Variants in NFIX observed in about 807,000 individuals in gnomAD.
NFIX encodes the protein nuclear factor 1 X-type.
In NFIX, 2 loss-of-function variants were observed where a neutral mutation model predicts 53.3. The ratio of observed to expected loss-of-function variants is 0.04; its 90% confidence interval spans 0.02 to 0.12. The LOEUF is 0.12. NFIX is among the 10% of genes least tolerant of loss of function. The probability of loss-of-function intolerance (pLI) is 1.00; values close to 1 mark genes in which losing one functional copy is unlikely to be tolerated. For synonymous variants in NFIX, 244 were observed against 289.0 expected, an observed-to-expected ratio of 0.84 and a Z score of 1.58; for missense variants, 310 against 674.5, an observed-to-expected ratio of 0.46 and a Z score of 5.99.
chr19:13,029,319 A>G (rs1372254222), intron 2 of NFIX, among the ~76,000 whole-genome samples: 1 of 151,938 alleles, frequency 6.6e-6, no homozygotes, highest in Non-Finnish European at 1.5e-5. Context: ...TACCCATTAA[A>G]AATTCAGCAT....
intron 1 of NFIX, among the ~76,000 whole-genome samples, chr19:13,017,103 G>A (rs1423797270): frequency 2.0e-5 from 3 of 152,106 alleles, no homozygotes; most frequent in African/African-American, 2.4e-5. Context: ...GTGCTGAATC[G>A]GGTCATAGAG....
chr19:13,002,903 C>T lies in NFIX; in HGVS notation c.27+7039C>T, dbSNP rs1165461933. Among the ~76,000 whole-genome samples, 1 of 152,152 alleles carries T rather than the reference C, an allele frequency of 6.6e-6. No homozygotes were observed. Among genetic ancestry groups the T allele is most frequent in the Non-Finnish European group, 1.5e-5 (1 of 68,012 alleles). ...TGAAGCTCAGTGCCAGCCTTCCTGG[C>T]ACAGATCGGGCAAGAGCGGGGATCT... is the stretch of plus-strand genomic sequence containing the variant. On this transcript the variant is annotated intron_variant, in intron 1 of 10. Transcript: ENST00000592199. The surrounding 1 kb of genome is among the most constrained non-coding windows in gnomAD (Gnocchi z 6.1).
intron 2 of NFIX, among the ~76,000 whole-genome samples, chr19:13,026,027 G>T (rs974516645): frequency 1.3e-5 from 2 of 152,196 alleles, no homozygotes; most frequent in South Asian, 4.1e-4. Flanking sequence ...GGGATGGGCA[G>T]GAGTCCGGTG....
intron 8 of NFIX, among the ~76,000 whole-genome samples, chr19:13,087,774 C>CAAAAAAAA (rs1157966190): frequency 1.9e-4 from 5 of 26,390 alleles, no homozygotes; most frequent in Admixed American, 6.0e-4. Context: ...AAAAGAGGAC[C>CAAAAAAAA]AAAAAAAAAA....
chr19:13,038,488 A>C (rs2014368951), intron 2 of NFIX, among the ~76,000 whole-genome samples: 1 of 152,176 alleles, frequency 6.6e-6, no homozygotes, highest in Admixed American at 6.5e-5. Flanking sequence ...AAGCTTCCCA[A>C]ATGAAACAAA....
chr19:13,070,133 T>TGCCTCCCCAGGAGCC (rs1437925466), intron 2 of NFIX: 1 of 152,026 alleles, frequency 6.6e-6, no homozygotes, highest in Non-Finnish European at 1.5e-5. Flanking sequence ...CCCCAGGAGC[T>TGCCTCCCCAGGAGCC]GCCTCCCCAG....
intron 2 of NFIX, among the ~76,000 whole-genome samples, chr19:13,030,989 T>G (rs2013758832): frequency 6.6e-6 from 1 of 152,192 alleles, no homozygotes; most frequent in Non-Finnish European, 1.5e-5. Context: ...TAATACAACT[T>G]GGGGTGCTGG....
At chr19:13,024,963 C>G in intron 1 of NFIX, 58 bp from the exon 2 acceptor site, 1 of 1,549,044 alleles carries the variant, frequency 6.5e-7, no homozygotes, top group Non-Finnish European at 8.7e-7. Flanking sequence ...CCCCTCATCC[C>G]GTCTTCCCCT....
intron 2 of NFIX, among the ~76,000 whole-genome samples, chr19:13,069,099 G>A (rs2145412448): frequency 6.6e-6 from 1 of 152,226 alleles, no homozygotes; most frequent in East Asian, 1.9e-4. Context: ...GCACCAGCAT[G>A]GAGGGAAACT....
rs770008375 is a variant in NFIX at position 13,075,604 on chromosome 19, C to T, written c.888C>T (p.Pro296=). The T allele has an allele frequency of 7.4e-6, 12 of 1,613,404 alleles. No individual in the cohort carries two copies. Among genetic ancestry groups the T allele is most frequent in the Admixed American group, 3.3e-5 (2 of 59,964 alleles). The change falls in exon 6 of 11, where the codon CCC becomes CCT. Residue 296 remains proline, a synonymous_variant. Coordinates refer to ENST00000592199, the MANE Select transcript of NFIX (RefSeq NM_001365902.3). ...GCCCTGTTGATGACGTGTTCTATCC[C>T]GGGACAGGCCGTTCCCCAGCAGCTG... The part of the protein sequence containing the change: ...MESPVDDVFY[P]GTGRSPAAGS...
chr19:13,003,676 TAGCCCAGGCTGG>T (rs2011852020), intron 1 of NFIX, among the ~76,000 whole-genome samples: 1 of 152,142 alleles, frequency 6.6e-6, no homozygotes, highest in Admixed American at 6.5e-5. Context: ...CTGTCATCTG[TAGCCCAGGCTGG>T]AGCACAGTGG....
In NFIX at chr19:13,051,218, C is replaced by G. The variant is rs983387217; in HGVS notation, c.560-21829C>G. 5.9e-5 allele frequency among the ~76,000 whole-genome samples: 9 copies of G among 152,212 alleles called. No homozygotes were observed. The highest frequency in any genetic ancestry group is 2.1e-4 in the South Asian group (1 of 4,834). ...GATGCTGTCTGGCCCCTATACCAGCCCCACTCAGGGCCAGAGGGCTCTAAA... is the reference window on the plus strand; with the variant it reads ...GATGCTGTCTGGCCCCTATACCAGCGCCACTCAGGGCCAGAGGGCTCTAAA... On this transcript the variant is annotated intron_variant, in intron 2 of 10. Transcript: ENST00000592199. The surrounding 1 kb of genome is among the most constrained non-coding windows in gnomAD (Gnocchi z 5.1).
intron 1 of NFIX, among the ~76,000 whole-genome samples, chr19:13,023,470 T>C (rs1354983828): frequency 6.6e-6 from 1 of 152,060 alleles, no homozygotes; most frequent in East Asian, 1.9e-4. Flanking sequence ...TACACCCCTG[T>C]GCCGCTGCCA....
At chr19:13,055,454 C>A (rs1032765191) in intron 2 of NFIX, among the ~76,000 whole-genome samples, 2 of 152,230 alleles carry the variant, frequency 1.3e-5, no homozygotes, top group African/African-American at 4.8e-5. Context: ...CATCTGCCCT[C>A]CCCCTGCCTC....
At chr19:12,995,963 G>A in intron 1 of NFIX, 99 bp downstream of exon 1, 1 of 418,470 alleles carries the variant, frequency 2.4e-6, no homozygotes, top group East Asian at 1.6e-4. Context: ...CGGGAAGGGG[G>A]GGCCGAGAGC....
intron 10 of NFIX, among the ~76,000 whole-genome samples, chr19:13,091,776 C>T (rs1461856559): frequency 6.6e-6 from 1 of 152,232 alleles, no homozygotes; most frequent in African/African-American, 2.4e-5. Flanking sequence ...GGTTCCATCG[C>T]TCCCTCCCTC....
chr19:13,070,864 C>T (rs1481608531), intron 2 of NFIX: 4 of 152,366 alleles, frequency 2.6e-5, no homozygotes, highest in South Asian at 2.1e-4. Flanking sequence ...TTTGTCTCTG[C>T]CTCAGTCGCT....
chr19:13,013,088 A>C lies in NFIX; in HGVS notation c.28-11933A>C, dbSNP rs10415665. Among the ~76,000 whole-genome samples the C allele has an allele frequency of 0.046, 6,888 of 150,936 alleles. 531 individuals are homozygous for C. Among genetic ancestry groups the C allele is most frequent in the African/African-American group, 0.16 (6,491 of 41,174 alleles). ...CTAAAAAAAAAACCTTTAAAAACCCAAAACCTCCCCTCCAAGTCCCTTTCG... is the reference window on the plus strand; with the variant it reads ...CTAAAAAAAAAACCTTTAAAAACCCCAAACCTCCCCTCCAAGTCCCTTTCG... On this transcript the variant is annotated intron_variant, in intron 1 of 10. Transcript: ENST00000592199. The surrounding 1 kb of genome is among the most constrained non-coding windows in gnomAD (Gnocchi z 5.9).
chr19:13,004,752 G>A (rs1347376031), intron 1 of NFIX, among the ~76,000 whole-genome samples: 2 of 151,892 alleles, frequency 1.3e-5, no homozygotes, highest in Non-Finnish European at 2.9e-5. Context: ...CTCCGTGGTC[G>A]AGGGCTCCAC....
Sources: gnomAD v4.1 joint callset for allele counts (sites outside exome capture counted in the v4.1 genomes callset) on GRCh38, gnomAD v4.1.1 for gene constraint, Gnocchi (gnomAD v3.1) non-coding constraint, MANE v1.5 for transcripts, NCBI Gene and HGNC (gene_info 2026-07-23, HGNC 2026-07-21) for gene names.